The following EOGT variants were observed in gnomAD, a reference collection of about 807,000 sequenced individuals.
EOGT encodes EGF domain specific O-linked N-acetylglucosamine transferase, also known as EGF domain-specific O-linked N-acetylglucosamine transferase.
EOGT carries 55 observed loss-of-function variants against 70.5 expected under a neutral mutation model. That is an observed-to-expected ratio of 0.78 (90% CI 0.63 to 0.98). The LOEUF is 0.98. Among genes scored for constraint, EOGT ranks in the 50% least tolerant of loss-of-function variants. The pLI, the probability that EOGT is intolerant of heterozygous loss-of-function variation, is 0.00. For synonymous variants in EOGT, 246 were observed against 217.1 expected (o/e 1.13, Z -1.17); for missense variants, 703 against 641.9 (o/e 1.10, Z -1.03).
At chr3:68,979,173 T>C (rs535414519) in intron 16 of EOGT, among the ~76,000 whole-genome samples, 71 of 152,210 alleles carry the variant, frequency 4.7e-4, no homozygotes, top group Non-Finnish European at 9.7e-4. Flanking sequence ...AGAGGGAAGG[T>C]CATGTCTCCA....
rs202028314 is a variant in EOGT, at chr3:69,001,728, T to A, written c.621-14A>T. On this transcript the variant is annotated splice_polypyrimidine_tract_variant and intron_variant, in intron 8 of 17. Transcript: ENST00000383701. The stretch of plus-strand genomic sequence containing the variant: ...AGCTCAGCAAACCTGAAATTATGAA[T>A]TGGGACATGACTTCAAACTGATTCT... 1.2e-4 allele frequency: 193 copies of A among 1,556,442 alleles called. No individual in the cohort carries two copies. The African/African-American group carries it at 2.3e-3, about 18-fold the overall frequency.
chr3:68,999,122 T>TTTATAAAA (rs2091234237), intron 9 of EOGT, among the ~76,000 whole-genome samples: 1 of 152,164 alleles, frequency 6.6e-6, no homozygotes, highest in Non-Finnish European at 1.5e-5. Flanking sequence ...GTTTATAAAG[T>TTTATAAAA]CCCTAAGCTT....
chr3:69,008,301 G>A (rs1575782106), intron 5 of EOGT, 127 bp downstream of exon 5: 2 of 705,670 alleles, frequency 2.8e-6, no homozygotes, highest in Non-Finnish European at 5.0e-6. Context: ...TCATGACTGT[G>A]CAAGCAAATT....
chr3:69,009,937 A>C lies in EOGT; in HGVS notation c.-14-77T>G, dbSNP rs939958307. The C allele has an allele frequency of 9.7e-3, 5,614 of 579,002 alleles. No homozygotes were observed. Among genetic ancestry groups the C allele is most frequent in the East Asian group, 0.021 (563 of 26,384 alleles). 35.9% of individuals were successfully genotyped at this position (579,002 alleles called of 1,614,324 possible). On this transcript the variant is annotated intron_variant, in intron 3 of 17. Transcript: ENST00000383701. ...AAACAACAACAACAACAACAACAAAAAAAAAAAAAAAACAAAGGGTCAAGG... is the reference window on the plus strand; with the variant it reads ...AAACAACAACAACAACAACAACAAACAAAAAAAAAAAACAAAGGGTCAAGG...
At chr3:68,991,583 C>T (rs918493425) in intron 10 of EOGT, among the ~76,000 whole-genome samples, 1 of 152,164 alleles carries the variant, frequency 6.6e-6, no homozygotes, top group Non-Finnish European at 1.5e-5. Context: ...CCTAAAGGTA[C>T]TGACTTAAAA....
intron 10 of EOGT, among the ~76,000 whole-genome samples, chr3:68,997,637 G>A (rs1002761923): frequency 1.6e-4 from 24 of 152,168 alleles, no homozygotes; most frequent in African/African-American, 5.6e-4. Context: ...CCAAAGTGCT[G>A]TGATTATAGG....
At chr3:68,985,887 C>T (rs1040407909) in intron 14 of EOGT, among the ~76,000 whole-genome samples, 4 of 152,220 alleles carry the variant, frequency 2.6e-5, no homozygotes, top group Non-Finnish European at 5.9e-5. Flanking sequence ...ACTGGACTAA[C>T]ACCAGGGTGT....
intron 5 of EOGT, 88 bp downstream of exon 5, chr3:69,008,340 C>A: frequency 1.1e-6 from 1 of 940,390 alleles, no homozygotes; most frequent in South Asian, 1.5e-5. Flanking sequence ...TATCTAAAAC[C>A]AAAAGAATCT....
At chr3:68,981,257 G>T (rs1218625588) in intron 15 of EOGT, among the ~76,000 whole-genome samples, 1 of 152,150 alleles carries the variant, frequency 6.6e-6, no homozygotes, top group African/African-American at 2.4e-5. Flanking sequence ...TCAAGACCAG[G>T]GCTATGCCAT....
At chr3:69,004,651 G>C (rs532574912) in intron 7 of EOGT, among the ~76,000 whole-genome samples, 169 bp from the exon 8 acceptor site, 1 of 152,212 alleles carries the variant, frequency 6.6e-6, no homozygotes, top group East Asian at 1.9e-4. Flanking sequence ...AATCCTATCA[G>C]GACCCTAATG....
rs187835489 is a variant in EOGT at position 68,991,486 on chromosome 3, G to A, written c.832-2469C>T. Among the ~76,000 whole-genome samples the A allele has an allele frequency of 9.2e-5, 14 of 152,270 alleles. No individual in the cohort carries two copies. The East Asian group carries it at 2.5e-3, about 27-fold the overall frequency. ...CTAAATGTGATGGGGGGTGGAGTGG[G>A]AAATGAATACATGCACTGATGCATG... is the stretch of plus-strand genomic sequence containing the variant. On this transcript the variant is annotated intron_variant, in intron 10 of 17. Transcript: ENST00000383701.
rs146233795 is a variant in EOGT at position 69,005,051 on chromosome 3, G to C, written c.515+89C>G. On this transcript the variant is annotated intron_variant, in intron 7 of 17. Transcript: ENST00000383701. ...CACTCCAGCCTGGGCAACAGAGCAA[G>C]ACCCTGTCTCAAAAAAAAAAAAAAA... is the stretch of plus-strand genomic sequence containing the variant. The C allele has an allele frequency of 4.2e-3, 3,057 of 721,864 alleles. 62 individuals are homozygous for C. In the African/African-American group the frequency reaches 0.051, roughly 12 times the overall value. The allele number at this position is 721,864 out of a possible 1,614,324, so 44.7% of individuals were successfully genotyped here.
chr3:68,999,598 G>T (rs1257855857), intron 9 of EOGT, among the ~76,000 whole-genome samples: 3 of 151,994 alleles, frequency 2.0e-5, no homozygotes, highest in Non-Finnish European at 4.4e-5. Context: ...TTTCAGCCTC[G>T]TATCTTAGCT....
chr3:68,979,407 A>G lies in EOGT; in HGVS notation c.1334+261T>C, dbSNP rs577229413. Among the ~76,000 whole-genome samples the G allele has an allele frequency of 2.6e-5, 4 of 152,330 alleles. No individual in the cohort carries two copies. The South Asian group carries it at 8.3e-4, about 32-fold the overall frequency. On this transcript the variant is annotated intron_variant, in intron 16 of 17. Coordinates refer to ENST00000383701, the MANE Select transcript of EOGT (RefSeq NM_001278689.2). The stretch of plus-strand genomic sequence containing the variant: ...AGGTATGCAGGAACAAACTCAGAAT[A>G]AGGAAACCACAGATTCACATCTTCC...
intron 9 of EOGT, among the ~76,000 whole-genome samples, chr3:68,998,855 G>A (rs201166380): frequency 6.0e-4 from 83 of 138,818 alleles, no homozygotes; most frequent in Middle Eastern, 3.7e-3. Context: ...AAAAAAACCA[G>A]AAAAAAAAAA....
At chr3:68,991,891 CA>C (rs1274023805) in intron 10 of EOGT, among the ~76,000 whole-genome samples, 1 of 152,142 alleles carries the variant, frequency 6.6e-6, no homozygotes, top group Non-Finnish European at 1.5e-5. Flanking sequence ...ATGGCAGCGG[CA>C]AGAGAAAATG....
intron 10 of EOGT, among the ~76,000 whole-genome samples, chr3:68,993,089 A>G (rs2091042773): frequency 6.6e-6 from 1 of 152,232 alleles, no homozygotes; most frequent in Non-Finnish European, 1.5e-5. Context: ...CATGCCTTGA[A>G]GACATTTTCC....
At chr3:68,991,608 T>C (rs2090996850) in intron 10 of EOGT, among the ~76,000 whole-genome samples, 1 of 152,110 alleles carries the variant, frequency 6.6e-6, no homozygotes, top group Non-Finnish European at 1.5e-5. Flanking sequence ...ATTCCACAGA[T>C]AATACTAAGG....
intron 7 of EOGT, 104 bp downstream of exon 7, chr3:69,005,036 T>C (rs925819740): frequency 1.2e-4 from 81 of 661,536 alleles, no homozygotes; most frequent in Non-Finnish European, 2.3e-5. Context: ...CACTCCAGCC[T>C]GGGCAACAGA....
Sources: allele counts gnomAD v4.1 joint callset (sites outside exome capture counted in the v4.1 genomes callset), GRCh38; gene constraint gnomAD v4.1.1; transcripts MANE v1.5; gene names NCBI Gene and HGNC (gene_info 2026-07-23, HGNC 2026-07-21).